Variants in CTDSPL observed in about 807,000 individuals in gnomAD.
CTDSPL encodes CTD small phosphatase-like protein.
Under a neutral mutation model 30.5 loss-of-function variants are expected in CTDSPL, and 8 were observed. The ratio of observed to expected loss-of-function variants is 0.26; its 90% confidence interval spans 0.15 to 0.47. The LOEUF (loss-of-function observed/expected upper bound fraction) is 0.47. Among genes scored for constraint, CTDSPL ranks in the 20% least tolerant of loss-of-function variants. CTDSPL has a pLI of 0.99. For missense variants in CTDSPL, 248 were observed against 366.1 expected (o/e 0.68, Z 2.63); for synonymous variants, 110 against 137.9 (o/e 0.80, Z 1.42).
At chr3:37,915,976 A>G (rs1354147888) in intron 1 of CTDSPL, among the ~76,000 whole-genome samples, 1 of 152,084 alleles carries the variant, frequency 6.6e-6, no homozygotes, top group Non-Finnish European at 1.5e-5. Context: ...CTGTGATTTC[A>G]TTTTCAGAGA....
At chr3:37,978,214 CATT>C (rs1226596021) in intron 7 of CTDSPL, among the ~76,000 whole-genome samples, 25 of 152,208 alleles carry the variant, frequency 1.6e-4, no homozygotes, top group Non-Finnish European at 2.6e-4. Flanking sequence ...TTTTTAGTAT[CATT>C]ATGAACTCAT....
Position 37,983,282 on chromosome 3 carries a change from A to AATATCT in CTDSPL, c.*2444_*2449dup, listed in dbSNP as rs57451778. 0.048 allele frequency: 7,252 copies of AATATCT among 152,206 alleles called. 194 individuals carry two copies. Among genetic ancestry groups the AATATCT allele is most frequent in the African/African-American group, 0.071 (2,931 of 41,254 alleles). The allele number at this position is 152,206 out of a possible 1,614,324, so 9.4% of individuals were successfully genotyped here. The stretch of plus-strand genomic sequence containing the variant: ...GAATCTGCTTTATGTACATAATCAA[A>AATATCT]ATATCTATATCTATATCTATATCTA... On this transcript the variant is annotated 3_prime_UTR_variant, in exon 8 of 8. Coordinates refer to ENST00000273179, the MANE Select transcript of CTDSPL (RefSeq NM_001008392.2).
At chr3:37,964,842 G>A (rs1388326338) in intron 4 of CTDSPL, among the ~76,000 whole-genome samples, 170 bp downstream of exon 4, 2 of 152,202 alleles carry the variant, frequency 1.3e-5, no homozygotes, top group African/African-American at 4.8e-5. Flanking sequence ...AACTAAAGTA[G>A]TTGAATATTA....
intron 1 of CTDSPL, among the ~76,000 whole-genome samples, chr3:37,905,770 T>C (rs1055676914): frequency 2.6e-5 from 4 of 152,250 alleles, no homozygotes; most frequent in South Asian, 2.1e-4. Flanking sequence ...CTGAACAACA[T>C]AGGCTTTGGG....
rs574444347 is a variant in CTDSPL at position 37,949,962 on chromosome 3, T to C, written c.234+2751T>C. On this transcript the variant is annotated intron_variant, in intron 2 of 7. Transcript: ENST00000273179. ...ACAGAGGAAAATGCTTACGTGTCCC[T>C]GAGTCCTTGGACAAACACTCGAATG... is the stretch of plus-strand genomic sequence containing the variant. Among the ~76,000 whole-genome samples, 34 of 152,354 alleles carry C rather than the reference T, an allele frequency of 2.2e-4. No individual in the cohort carries two copies. In the South Asian group the frequency reaches 6.8e-3, roughly 31 times the overall value.
In CTDSPL at chr3:37,964,625, T is replaced by C; in HGVS notation, c.322T>C (p.Cys108Arg). ...GACGGTGCTTGACTATGGAAAGAAA[T>C]GTGTGGTCATTGATTTAGATGAAAC... ...EVTVLDYGKK[C>R]VVIDLDETLV... The change falls in exon 4 of 8, where the codon TGT becomes CGT. Residue 108 changes from cysteine to arginine, a missense_variant. Physicochemically the swap from Cys to Arg is radical, Grantham distance 180 (BLOSUM62 -3). Around this residue, in one of 4 missense-constraint regions of CTDSPL, gnomAD observed 45 missense variants for 83.1 expected, o/e 0.54. Coordinates refer to ENST00000273179, the MANE Select transcript of CTDSPL (RefSeq NM_001008392.2). The C allele has an allele frequency of 6.2e-7, 1 of 1,613,970 alleles. No individual in the cohort carries two copies.
Position 37,947,225 on chromosome 3 carries a change from A to G in CTDSPL, c.234+14A>G. On this transcript the variant is annotated intron_variant, in intron 2 of 7. Transcript: ENST00000273179. Reference sequence around the variant, plus strand: ...GGGCTTCAGAAGGTCAGTACTGGTGAGGAACTGTGCCCTCCATAAAACTGC... The same window carrying G: ...GGGCTTCAGAAGGTCAGTACTGGTGGGGAACTGTGCCCTCCATAAAACTGC... 3 of 1,607,542 alleles carry G rather than the reference A, an allele frequency of 1.9e-6. No individual in the cohort carries two copies. Among genetic ancestry groups the G allele is most frequent in the Non-Finnish European group, 2.5e-6 (3 of 1,177,190 alleles).
At chr3:37,970,877 C>T (rs1025849741) in intron 5 of CTDSPL, among the ~76,000 whole-genome samples, 5 of 152,230 alleles carry the variant, frequency 3.3e-5, no homozygotes, top group Non-Finnish European at 5.9e-5. Flanking sequence ...GAAGCCCCTT[C>T]TTGCAGCTTT....
At chr3:37,936,566 C>T (rs1198094625) in intron 1 of CTDSPL, among the ~76,000 whole-genome samples, 1 of 150,010 alleles carries the variant, frequency 6.7e-6, no homozygotes, top group Non-Finnish European at 1.5e-5. Context: ...GGATGCATTC[C>T]AGAGATTACG....
intron 6 of CTDSPL, among the ~76,000 whole-genome samples, chr3:37,974,204 C>T (rs1297052528): frequency 6.6e-6 from 1 of 152,220 alleles, no homozygotes; most frequent in Non-Finnish European, 1.5e-5. Context: ...CCCTGGTTAG[C>T]CTCACCAGCA....
At chr3:37,952,441 A>G (rs1284667170) in intron 2 of CTDSPL, among the ~76,000 whole-genome samples, 1 of 152,196 alleles carries the variant, frequency 6.6e-6, no homozygotes, top group African/African-American at 2.4e-5. Context: ...TTATGATCTC[A>G]AAGTCGCAAG....
chr3:37,915,445 C>T (rs1402498307), intron 1 of CTDSPL, among the ~76,000 whole-genome samples: 2 of 152,102 alleles, frequency 1.3e-5, no homozygotes, highest in African/African-American at 2.4e-5. Flanking sequence ...GCTCACTACT[C>T]CTTTATCTTT....
chr3:37,879,184 T>C (rs1698174025), intron 1 of CTDSPL, among the ~76,000 whole-genome samples: 1 of 152,224 alleles, frequency 6.6e-6, no homozygotes, highest in Non-Finnish European at 1.5e-5. Context: ...GAAGTCTTCA[T>C]TCAGGAAGTA....
Position 37,980,823 on chromosome 3 carries a change from GA to G in CTDSPL, c.788del (p.Glu263GlyfsTer78), listed in dbSNP as rs767178817. 1 of 1,614,174 alleles carries G rather than the reference GA, an allele frequency of 6.2e-7. No homozygotes were observed. The highest frequency in any genetic ancestry group is 8.5e-7 in the Non-Finnish European group (1 of 1,180,046). On this transcript the variant is annotated frameshift_variant, in exon 8 of 8. Transcript: ENST00000273179. LOFTEE classifies it high-confidence loss of function. ...LIPFFEGLSR[E>X]DDVYSMLHRL... ...CCCCTTCTTTGAGGGCCTGAGCCGGGAGGACGACGTGTACAGCATGCTGCAC... is the reference window on the plus strand; with the variant it reads ...CCCCTTCTTTGAGGGCCTGAGCCGGGGGACGACGTGTACAGCATGCTGCAC...
rs546583296 is a variant in CTDSPL at position 37,957,074 on chromosome 3, C to T, written c.235-37C>T. The T allele has an allele frequency of 3.9e-5, 62 of 1,575,280 alleles. 1 individual carries two copies. The highest frequency in any genetic ancestry group is 1.7e-4 in the Middle Eastern group (1 of 6,000). On this transcript the variant is annotated intron_variant, in intron 2 of 7. Coordinates refer to ENST00000273179, the MANE Select transcript of CTDSPL (RefSeq NM_001008392.2). ...TCTTTTGAGAATATGATCTTCTCTT[C>T]GAACCTGACAATGATTTTTTTTTTC...
At chr3:37,907,251 G>A (rs1374249285) in intron 1 of CTDSPL, among the ~76,000 whole-genome samples, 2 of 152,316 alleles carry the variant, frequency 1.3e-5, no homozygotes, top group East Asian at 3.9e-4. Context: ...AGGGTCTTAG[G>A]TGGCCATTTA....
At chr3:37,971,866 T>C (rs1216464479) in intron 6 of CTDSPL, among the ~76,000 whole-genome samples, 1 of 152,212 alleles carries the variant, frequency 6.6e-6, no homozygotes, top group Non-Finnish European at 1.5e-5. Context: ...TCCTTGGGTT[T>C]TGCTTTCACA....
chr3:37,904,938 A>T (rs768423536), intron 1 of CTDSPL, among the ~76,000 whole-genome samples: 1 of 151,904 alleles, frequency 6.6e-6, no homozygotes, highest in Admixed American at 6.5e-5. Context: ...CAGTCTAATC[A>T]CTCCTCTGGA....
At position 37,938,766 on chromosome 3, in the gene CTDSPL, C is replaced by T. The variant is rs188847811; in HGVS notation, c.80-8291C>T. On this transcript the variant is annotated intron_variant, in intron 1 of 7. Transcript: ENST00000273179. ...CGTGATCTCGGCTCACTGCAACCTC[C>T]GCCTCCTGGGTTCAAACGATTCTCC... 8.1e-4 allele frequency among the ~76,000 whole-genome samples: 120 copies of T among 148,930 alleles called. 2 individuals are homozygous for T. Among genetic ancestry groups the T allele is most frequent in the African/African-American group, 2.6e-3 (107 of 41,148 alleles).
Sources: gnomAD v4.1 joint callset for allele counts (sites outside exome capture counted in the v4.1 genomes callset) on GRCh38, gnomAD v4.1.1 for gene constraint, gnomAD v4.1.1 regional missense constraint, MANE v1.5 for transcripts, NCBI Gene and HGNC (gene_info 2026-07-23, HGNC 2026-07-21) for gene names.